The following ELF2 variants were observed in gnomAD, a reference collection of about 807,000 sequenced individuals.
ELF2 encodes the protein ETS-related transcription factor Elf-2.
A neutral mutation model predicts 54.8 loss-of-function variants in ELF2; 11 were observed. The ratio of observed to expected loss-of-function variants is 0.20; its 90% CI spans 0.13 to 0.33. ELF2 has a LOEUF of 0.33. ELF2 is among the 10% of genes least tolerant of loss of function. The pLI, the probability that ELF2 is intolerant of heterozygous loss-of-function variation, is 1.00. For missense variants in ELF2, 513 were observed against 703.0 expected, an observed-to-expected ratio of 0.73 and a Z score of 3.06; for synonymous variants, 203 against 245.1, an observed-to-expected ratio of 0.83 and a Z score of 1.61.
intron 1 of ELF2, among the ~76,000 whole-genome samples, chr4:139,150,894 G>A (rs1433252984): frequency 6.6e-6 from 1 of 151,424 alleles, no homozygotes; most frequent in Non-Finnish European, 1.5e-5. Flanking sequence ...GCTTGGTGGC[G>A]GGCGCCTGTA....
intron 4 of ELF2, among the ~76,000 whole-genome samples, chr4:139,097,387 G>T (rs186338264): frequency 2.6e-5 from 4 of 152,228 alleles, no homozygotes; most frequent in Admixed American, 1.3e-4. Context: ...AGGCCAAGGC[G>T]GGCAGATCAC....
In ELF2 at chr4:139,060,674, T is replaced by C. The variant is rs751260467; in HGVS notation, c.807A>G (p.Arg269=). The C allele has an allele frequency of 3.8e-6, 6 of 1,575,426 alleles. No individual in the cohort carries two copies. The highest frequency in any genetic ancestry group is 2.2e-5 in the East Asian group (1 of 44,568). The change falls in exon 9 of 10, where the codon AGA becomes AGG. Residue 269 remains arginine, a splice_region_variant and synonymous_variant. Transcript: ENST00000686138. ...CAAGAATTCCCCTTTGGTAGTAGTA[T>C]CTGTAAGGGGAAAATGTACCAAATG... ...MNYETMGRAL[R]YYYQRGILAK...
chr4:139,114,642 CTTTT>C (rs59282364), intron 4 of ELF2, among the ~76,000 whole-genome samples: 47 of 104,844 alleles, frequency 4.5e-4, no homozygotes, highest in Non-Finnish European at 5.9e-4. Flanking sequence ...TTTTTTCTTT[CTTTT>C]TTTTTTTTTT....
At chr4:139,071,003 T>C (rs1011672740) in intron 6 of ELF2, among the ~76,000 whole-genome samples, 43 of 152,232 alleles carry the variant, frequency 2.8e-4, no homozygotes, top group African/African-American at 9.9e-4. Context: ...TAGAATGTCA[T>C]GTCTTTCCAA....
At chr4:139,067,850 A>C (rs1728943958) in intron 6 of ELF2, 80 bp from the exon 7 acceptor site, 1 of 1,335,366 alleles carries the variant, frequency 7.5e-7, no homozygotes, top group African/African-American at 1.5e-5. Context: ...TTCTGATTAC[A>C]CATTATTCAT....
intron 4 of ELF2, chr4:139,084,453 C>T: frequency 1.7e-6 from 2 of 1,151,748 alleles, no homozygotes; most frequent in Non-Finnish European, 2.1e-6. Context: ...GCGGCGGCGG[C>T]GGCGGCGGCT....
chr4:139,139,972 A>T (rs1232772399), intron 1 of ELF2, among the ~76,000 whole-genome samples: 1 of 152,110 alleles, frequency 6.6e-6, no homozygotes, highest in Non-Finnish European at 1.5e-5. Context: ...TCTTGTCACC[A>T]AGGCTGGATC....
intron 4 of ELF2, among the ~76,000 whole-genome samples, chr4:139,083,260 C>G (rs1731423211): frequency 6.6e-6 from 1 of 152,130 alleles, no homozygotes; most frequent in Non-Finnish European, 1.5e-5. Context: ...CCGCCTCGCT[C>G]CTTAACATTC....
chr4:139,078,221 T>C (rs1730590620), intron 4 of ELF2, among the ~76,000 whole-genome samples: 1 of 152,168 alleles, frequency 6.6e-6, no homozygotes, highest in Non-Finnish European at 1.5e-5. Context: ...TGGATCTAGT[T>C]CATAAAAATG....
intron 1 of ELF2, among the ~76,000 whole-genome samples, chr4:139,164,054 G>C (rs1741447181): frequency 1.3e-5 from 2 of 149,682 alleles, no homozygotes. Flanking sequence ...AGGGGTGAGA[G>C]AGAAAGAGTG....
At chr4:139,171,816 C>A (rs1742340266) in intron 1 of ELF2, among the ~76,000 whole-genome samples, 2 of 152,128 alleles carry the variant, frequency 1.3e-5, no homozygotes, top group South Asian at 2.1e-4. Context: ...CCCAGCTACT[C>A]GGGAGGCTGA....
At chr4:139,096,275 T>C (rs1316914526) in intron 4 of ELF2, among the ~76,000 whole-genome samples, 1 of 152,252 alleles carries the variant, frequency 6.6e-6, no homozygotes, top group Non-Finnish European at 1.5e-5. Context: ...ATAGTTTATA[T>C]ATGACAAGCA....
intron 1 of ELF2, among the ~76,000 whole-genome samples, chr4:139,153,182 C>T (rs1740189334): frequency 1.3e-5 from 2 of 152,078 alleles, no homozygotes; most frequent in African/African-American, 4.8e-5. Flanking sequence ...CGCCTGTAAT[C>T]CCAGCACTTT....
chr4:139,100,864 G>A (rs1366458865), intron 4 of ELF2, among the ~76,000 whole-genome samples: 1 of 152,170 alleles, frequency 6.6e-6, no homozygotes, highest in African/African-American at 2.4e-5. Context: ...GATTGCTGGG[G>A]GTAGGAGGAG....
Position 139,059,544 on chromosome 4 carries a change from A to C in ELF2, c.1221T>G (p.Thr407=), listed in dbSNP as rs1408631601. 6.2e-7 allele frequency: 1 copy of C among 1,613,692 alleles called. No homozygotes were observed. Among genetic ancestry groups the C allele is most frequent in the Admixed American group, 1.7e-5 (1 of 59,996 alleles). Residue 407 remains threonine, a synonymous_variant, in exon 10 of 10, where the codon ACT becomes ACG. Transcript: ENST00000686138. ...VMTSLGQKIS[T]VAVQSVNAGA... is the part of the protein sequence containing the mutation. ...CTGCATTAACTGACTGAACTGCCAC[A>C]GTTGAAATTTTCTGACCCAATGATG... is the stretch of plus-strand genomic sequence containing the variant.
intron 1 of ELF2, among the ~76,000 whole-genome samples, chr4:139,174,767 T>C (rs1037517774): frequency 2.0e-5 from 3 of 152,210 alleles, no homozygotes; most frequent in African/African-American, 7.2e-5. Flanking sequence ...AGAGTTTATA[T>C]GCAAATACTA....
At chr4:139,172,632 T>C (rs1742422099) in intron 1 of ELF2, among the ~76,000 whole-genome samples, 1 of 152,142 alleles carries the variant, frequency 6.6e-6, no homozygotes, top group Non-Finnish European at 1.5e-5. Context: ...AAAGTGAAAG[T>C]TCTCAATTTA....
intron 1 of ELF2, among the ~76,000 whole-genome samples, chr4:139,158,270 T>C (rs1396894053): frequency 2.0e-5 from 3 of 152,194 alleles, no homozygotes; most frequent in Non-Finnish European, 4.4e-5. Flanking sequence ...GAACAGGCCA[T>C]TTTCACTTCT....
intron 1 of ELF2, among the ~76,000 whole-genome samples, chr4:139,142,617 G>GA (rs1738808729): frequency 6.6e-6 from 1 of 152,166 alleles, no homozygotes; most frequent in African/African-American, 2.4e-5. Flanking sequence ...TTGTGCAAAA[G>GA]TAATTGCAGT....
Sources: gnomAD v4.1 joint callset for allele counts (sites outside exome capture counted in the v4.1 genomes callset) on GRCh38, gnomAD v4.1.1 for gene constraint, MANE v1.5 for transcripts, NCBI Gene and HGNC (gene_info 2026-07-23, HGNC 2026-07-21) for gene names.